The following TMEM132B variants were observed in gnomAD, a reference collection of about 807,000 sequenced individuals.
The protein encoded by TMEM132B is transmembrane protein 132B.
TMEM132B carries 18 observed loss-of-function variants against 90.8 expected under a neutral mutation model. The ratio of observed to expected loss-of-function variants is 0.20; its 90% CI spans 0.14 to 0.29. TMEM132B has a LOEUF of 0.29. Ranked by LOEUF, TMEM132B falls within the 10% of genes least tolerant of loss-of-function variation. The pLI is 1.00. For missense variants in TMEM132B, 1,096 were observed against 1,326.8 expected (o/e 0.83, Z 2.70); for synonymous variants, 504 against 523.3 (o/e 0.96, Z 0.50).
Position 125,653,745 on chromosome 12 carries a change from T to G in TMEM132B, c.2287T>G (p.Leu763Val). 2.5e-6 allele frequency: 4 copies of G among 1,614,078 alleles called. No homozygotes were observed. Among genetic ancestry groups the G allele is most frequent in the Non-Finnish European group, 3.4e-6 (4 of 1,180,012 alleles). The stretch of plus-strand genomic sequence containing the variant: ...TGCAGAGGGTGAAGGACAAGGGCCT[T>G]TGATTAAGTTAGAAATGATGATAAG... ...VVAEGEGQGP[L>V]IKLEMMISEP... Residue 763 changes from leucine (L) to valine (V), a missense_variant, in exon 9 of 9, where the codon TTG becomes GTG. Coordinates refer to ENST00000682704, the MANE Select transcript of TMEM132B (RefSeq NM_001366854.1).
rs990142336 is a variant in TMEM132B at position 125,298,028 on chromosome 12, G to A, written c.68-51424G>A. On this transcript the variant is annotated intron_variant, in intron 1 of 8. Coordinates refer to ENST00000682704, the MANE Select transcript of TMEM132B (RefSeq NM_001366854.1). ...AGTGTTTTTGGAGCCTGAGGCAAGA[G>A]GATCACTTGAGCCCAGGAGTTCGAG... 2.6e-5 allele frequency among the ~76,000 whole-genome samples: 4 copies of A among 152,302 alleles called. No homozygotes were observed. In the East Asian group the frequency reaches 7.7e-4, roughly 29 times the overall value.
intron 1 of TMEM132B, among the ~76,000 whole-genome samples, chr12:125,253,474 G>A (rs1046280939): frequency 1.1e-4 from 14 of 130,820 alleles, no homozygotes; most frequent in Admixed American, 2.7e-4. Context: ...TCACTCTGTC[G>A]CCCAGGCTGG....
At chr12:125,361,935 A>G (rs1190025063) in intron 2 of TMEM132B, among the ~76,000 whole-genome samples, 2 of 152,210 alleles carry the variant, frequency 1.3e-5, no homozygotes, top group Non-Finnish European at 2.9e-5. Flanking sequence ...ATTGGAGTAT[A>G]CCTAGATTAT....
chr12:125,329,245 C>G (rs1251241387), intron 1 of TMEM132B, among the ~76,000 whole-genome samples: 2 of 152,184 alleles, frequency 1.3e-5, no homozygotes, highest in Non-Finnish European at 2.9e-5. Flanking sequence ...TCTGCTGGCG[C>G]CTTGATCTTG....
At chr12:125,512,355 C>T (rs552825224) in intron 3 of TMEM132B, among the ~76,000 whole-genome samples, 3 of 152,264 alleles carry the variant, frequency 2.0e-5, no homozygotes, top group South Asian at 2.1e-4. Flanking sequence ...TTAAAAATAT[C>T]GCCAGCTGAT....
chr12:125,197,890 G>A (rs1872960602), intron 1 of TMEM132B, among the ~76,000 whole-genome samples: 1 of 152,212 alleles, frequency 6.6e-6, no homozygotes, highest in Admixed American at 6.5e-5. Context: ...TTTTGAATGA[G>A]TAGGTTTTGG....
intron 1 of TMEM132B, among the ~76,000 whole-genome samples, chr12:125,248,067 A>G (rs560721002): frequency 1.6e-4 from 24 of 152,324 alleles, no homozygotes; most frequent in Non-Finnish European, 2.9e-4. Context: ...CACAGCCACC[A>G]TGATTTTTAT....
In TMEM132B at chr12:125,341,594, T is replaced by C. The variant is rs115728488; in HGVS notation, c.68-7858T>C. Among the ~76,000 whole-genome samples the C allele has an allele frequency of 3.8e-3, 573 of 152,296 alleles. 6 individuals carry two copies. The highest frequency in any genetic ancestry group is 0.013 in the African/African-American group (542 of 41,574). On this transcript the variant is annotated intron_variant, in intron 1 of 8. Coordinates refer to ENST00000682704, the MANE Select transcript of TMEM132B (RefSeq NM_001366854.1). Reference sequence around the variant, plus strand: ...TCCAAGACTTGCCCTCAAGGGTGGCTCTCCTTACCCTGACTATTCATTTTT... The same window carrying C: ...TCCAAGACTTGCCCTCAAGGGTGGCCCTCCTTACCCTGACTATTCATTTTT...
chr12:125,520,475 A>G (rs1019418951), intron 4 of TMEM132B, among the ~76,000 whole-genome samples: 2 of 152,270 alleles, frequency 1.3e-5, no homozygotes, highest in Non-Finnish European at 1.5e-5. Context: ...TGAACCCTAT[A>G]TCTTAGAATT....
At chr12:125,201,287 T>G (rs1235864091) in intron 1 of TMEM132B, among the ~76,000 whole-genome samples, 1 of 152,254 alleles carries the variant, frequency 6.6e-6, no homozygotes, top group Non-Finnish European at 1.5e-5. Context: ...GCCTGTCATC[T>G]CAGGTCATTT....
chr12:125,373,240 C>T (rs369130289), intron 2 of TMEM132B, among the ~76,000 whole-genome samples: 2 of 152,318 alleles, frequency 1.3e-5, no homozygotes, highest in African/African-American at 4.8e-5. Flanking sequence ...ATCTCGGATA[C>T]AGCCATTCAC....
intron 1 of TMEM132B, among the ~76,000 whole-genome samples, chr12:125,229,062 A>G (rs1873755089): frequency 6.6e-6 from 1 of 152,220 alleles, no homozygotes; most frequent in Non-Finnish European, 1.5e-5. Context: ...CGAGGAGGGC[A>G]GACAGGGAGC....
At chr12:125,319,371 C>T (rs1876369407) in intron 1 of TMEM132B, among the ~76,000 whole-genome samples, 1 of 152,188 alleles carries the variant, frequency 6.6e-6, no homozygotes, top group Non-Finnish European at 1.5e-5. Flanking sequence ...ACTTGGCTTT[C>T]CAGTATGGGT....
intron 1 of TMEM132B, among the ~76,000 whole-genome samples, chr12:125,266,837 T>C (rs1405965612): frequency 6.6e-6 from 1 of 152,256 alleles, no homozygotes; most frequent in Non-Finnish European, 1.5e-5. Context: ...CAAGTCTGTG[T>C]TTTCTGACTG....
At chr12:125,233,919 G>A (rs1449897330) in intron 1 of TMEM132B, among the ~76,000 whole-genome samples, 1 of 152,290 alleles carries the variant, frequency 6.6e-6, no homozygotes. Context: ...TTTCATGAGC[G>A]CTTGTGGTCT....
In TMEM132B at chr12:125,410,965, GGAGTGGAGT is replaced by G. The variant is rs778867414; in HGVS notation, c.960-4555_960-4547del. On this transcript the variant is annotated intron_variant, in intron 2 of 8. Transcript: ENST00000682704. ...GTGGAGGAGTGGAGTGGAGTGGAGT[GGAGTGGAGT>G]GAGTGGAGTGGAGTGAGTGGAGTGG... 2.0e-3 allele frequency among the ~76,000 whole-genome samples: 12 copies of G among 6,068 alleles called. 3 individuals are homozygous for G. Among genetic ancestry groups the G allele is most frequent in the African/African-American group, 0.013 (7 of 544 alleles). 4.0% of individuals were successfully genotyped at this position (6,068 alleles called of 152,430 possible).
chr12:125,470,923 G>C (rs1411304083), intron 3 of TMEM132B, among the ~76,000 whole-genome samples: 3 of 152,232 alleles, frequency 2.0e-5, no homozygotes, highest in East Asian at 1.9e-4. Context: ...AGGCTCAGGG[G>C]AGAAAGACCC....
chr12:125,395,406 C>G (rs887682268), intron 2 of TMEM132B, among the ~76,000 whole-genome samples: 18 of 152,136 alleles, frequency 1.2e-4, no homozygotes, highest in African/African-American at 4.1e-4. Context: ...TGTATCTTAG[C>G]TTTTTAAAAT....
At chr12:125,594,892 G>C (rs1260964389) in intron 5 of TMEM132B, among the ~76,000 whole-genome samples, 1 of 152,104 alleles carries the variant, frequency 6.6e-6, no homozygotes, top group African/African-American at 2.4e-5. Flanking sequence ...ATTTTGATGA[G>C]GTTGAATTTA....
Sources: allele counts gnomAD v4.1 joint callset (sites outside exome capture counted in the v4.1 genomes callset), GRCh38; gene constraint gnomAD v4.1.1; transcripts MANE v1.5; gene names NCBI Gene and HGNC (gene_info 2026-07-23, HGNC 2026-07-21).